The following DNAH14 variants were observed in gnomAD, a reference collection of about 807,000 sequenced individuals.
DNAH14 encodes the protein dynein axonemal heavy chain 14, also known as axonemal beta dynein heavy chain 14.
A neutral mutation model predicts 520.9 loss-of-function variants in DNAH14; 478 were observed. The ratio of observed to expected loss-of-function variants is 0.92; its 90% confidence interval spans 0.85 to 0.99. The LOEUF (loss-of-function observed/expected upper bound fraction) is 0.99. DNAH14 is among the 50% of genes least tolerant of loss of function. The probability of loss-of-function intolerance (pLI) is 0.00; values close to 1 mark genes in which losing one functional copy is unlikely to be tolerated. For synonymous variants in DNAH14, 1,581 were observed against 1,757.2 expected, an observed-to-expected ratio of 0.90 and a Z score of 2.51; for missense variants, 4,831 against 5,234.5, an observed-to-expected ratio of 0.92 and a Z score of 2.38.
rs1183088129 is a variant in DNAH14 at position 225,120,322 on chromosome 1, G to T, written c.4166+1028G>T. On this transcript the variant is annotated intron_variant, in intron 26 of 85. Transcript: ENST00000682510. ...GGTGTCAGCTGATCCATCAAGTGCA[G>T]GGCCAGCAAAATATCTCAAGCACTG... 3.3e-5 allele frequency among the ~76,000 whole-genome samples: 5 copies of T among 152,256 alleles called. No individual in the cohort carries two copies. The East Asian group carries it at 7.7e-4, about 23-fold the overall frequency.
chr1:225,004,323 C>T (rs1360054701), intron 9 of DNAH14, among the ~76,000 whole-genome samples: 1 of 152,086 alleles, frequency 6.6e-6, no homozygotes, highest in African/African-American at 2.4e-5. Flanking sequence ...GGAATGTTTA[C>T]TGGCAAATAA....
intron 80 of DNAH14, among the ~76,000 whole-genome samples, chr1:225,380,747 G>A (rs898650468): frequency 6.6e-6 from 1 of 152,200 alleles, no homozygotes; most frequent in Non-Finnish European, 1.5e-5. Flanking sequence ...GAGGAAGCCT[G>A]ATTGCCCAGA....
chr1:225,112,181 A>G (rs1382755481), intron 23 of DNAH14, among the ~76,000 whole-genome samples: 2 of 152,006 alleles, frequency 1.3e-5, no homozygotes, highest in Non-Finnish European at 2.9e-5. Flanking sequence ...CTCAGCTTTT[A>G]TTTGTTTTGA....
chr1:225,162,040 G>T (rs2081567099), intron 35 of DNAH14, among the ~76,000 whole-genome samples: 1 of 151,994 alleles, frequency 6.6e-6, no homozygotes, highest in Non-Finnish European at 1.5e-5. Context: ...TTTTGCTTTG[G>T]TTGCCTGTGC....
At chr1:225,398,459 A>G (rs1301669453) in intron 84 of DNAH14, 61 bp from the exon 85 acceptor site, 5 of 1,534,492 alleles carry the variant, frequency 3.3e-6, no homozygotes, top group Non-Finnish European at 2.6e-6. Context: ...TTCCGGACGG[A>G]GCCTCCAGTT....
intron 63 of DNAH14, 78 bp from the exon 64 acceptor site, chr1:225,324,659 G>A: frequency 1.6e-6 from 2 of 1,267,396 alleles, no homozygotes; most frequent in Non-Finnish European, 2.2e-6. Context: ...CTCTGTAAAT[G>A]TCTTTCAAAT....
intron 41 of DNAH14, among the ~76,000 whole-genome samples, chr1:225,209,243 T>G (rs897508896): frequency 6.6e-6 from 1 of 152,222 alleles, no homozygotes; most frequent in Admixed American, 6.5e-5. Context: ...GGCATACTTT[T>G]TCTTCTGCCA....
chr1:225,267,582 G>A (rs555608282), intron 49 of DNAH14, among the ~76,000 whole-genome samples: 2 of 152,158 alleles, frequency 1.3e-5, no homozygotes, highest in South Asian at 2.1e-4. Flanking sequence ...GAGCCACCAT[G>A]CCCGGCCAGA....
At chr1:225,058,472 A>G (rs1260601852) in intron 17 of DNAH14, among the ~76,000 whole-genome samples, 1 of 152,016 alleles carries the variant, frequency 6.6e-6, no homozygotes, top group Admixed American at 6.6e-5. Context: ...TGATCTTTTC[A>G]AAAAACCAGC....
chr1:225,241,182 A>T (rs201671014), intron 43 of DNAH14, among the ~76,000 whole-genome samples: 16 of 98,174 alleles, frequency 1.6e-4, no homozygotes, highest in Non-Finnish European at 2.2e-4. Context: ...TCTTTTTTTT[A>T]AAAAAATCCA....
At chr1:225,124,386 G>A (rs535618312) in intron 27 of DNAH14, among the ~76,000 whole-genome samples, 2 of 152,294 alleles carry the variant, frequency 1.3e-5, no homozygotes, top group East Asian at 3.9e-4. Flanking sequence ...TTTCAAAATT[G>A]GAGTCAATTC....
At chr1:225,111,347 A>T (rs2127558) in intron 23 of DNAH14, among the ~76,000 whole-genome samples, 19,747 of 151,848 alleles carry the variant, frequency 0.13, 3,964 homozygotes, top group African/African-American at 0.44. Flanking sequence ...GACCCTTCTT[A>T]TCCTCTTGCT....
Position 225,152,735 on chromosome 1 carries a change from C to G in DNAH14, c.5048C>G (p.Ser1683Cys), listed in dbSNP as rs867275910. The G allele has an allele frequency of 6.4e-6, 10 of 1,550,932 alleles. No individual in the cohort carries two copies. In the Admixed American group the frequency reaches 2.0e-4, roughly 30 times the overall value. ...GGVELPDNLKSLFRPVAMMVP... is the reference protein window; with the variant it reads ...GGVELPDNLKCLFRPVAMMVP... ...GTAGAGCTCCCAGATAACTTAAAAT[C>G]TCTGTTTCGCCCAGTGGCAATGATG... The change falls in exon 33 of 86, where the codon TCT becomes TGT. Residue 1683 changes from serine (S) to cysteine (C), a missense_variant. Coordinates refer to ENST00000682510, the MANE Select transcript of DNAH14 (RefSeq NM_001367479.1).
At position 224,974,084 on chromosome 1, in the gene DNAH14, C is replaced by A; in HGVS notation, c.768-7C>A. 2.0e-6 allele frequency: 3 copies of A among 1,484,620 alleles called. No homozygotes were observed. Among genetic ancestry groups the A allele is most frequent in the South Asian group, 2.8e-5 (2 of 71,980 alleles). The allele number at this position is 1,484,620 out of a possible 1,614,324, so 92.0% of individuals were successfully genotyped here. A position where few individuals can be genotyped will look rare whatever the true frequency, so the allele number is the denominator to read the frequency against. ...ATATGGAATATAAGAAGCATTTTTC[C>A]TTTCAGAATGAATAAAGCATTTGTT... On this transcript the variant is annotated splice_polypyrimidine_tract_variant and splice_region_variant and intron_variant, in intron 7 of 85. Transcript: ENST00000682510.
intron 52 of DNAH14, among the ~76,000 whole-genome samples, chr1:225,273,507 C>T (rs1331269481): frequency 6.6e-6 from 1 of 152,158 alleles, no homozygotes; most frequent in Non-Finnish European, 1.5e-5. Flanking sequence ...TGAAAGTCCT[C>T]AAAAATTTAT....
intron 7 of DNAH14, among the ~76,000 whole-genome samples, chr1:224,971,227 T>G (rs2501144): frequency 0.096 from 14,594 of 152,268 alleles, 2,256 homozygotes; most frequent in African/African-American, 0.33. Flanking sequence ...TTCTATAATT[T>G]TCTTGTTTCT....
intron 81 of DNAH14, 124 bp downstream of exon 81, chr1:225,381,703 C>T (rs753935111): frequency 1.5e-5 from 12 of 809,370 alleles, no homozygotes; most frequent in Middle Eastern, 3.7e-4. Flanking sequence ...AAGATGCTGA[C>T]GTACTTTTTC....
chr1:225,321,410 C>T (rs1467468050), intron 61 of DNAH14, among the ~76,000 whole-genome samples: 1 of 152,152 alleles, frequency 6.6e-6, no homozygotes, highest in East Asian at 1.9e-4. Flanking sequence ...TGCACATGTA[C>T]TCCTGAAACT....
At chr1:225,056,884 G>A (rs2069174342) in intron 17 of DNAH14, among the ~76,000 whole-genome samples, 1 of 152,094 alleles carries the variant, frequency 6.6e-6, no homozygotes, top group African/African-American at 2.4e-5. Context: ...TGTTCCGTTG[G>A]TCTATATCTC....
Sources: allele counts gnomAD v4.1 joint callset (sites outside exome capture counted in the v4.1 genomes callset), GRCh38; gene constraint gnomAD v4.1.1; transcripts MANE v1.5; gene names NCBI Gene and HGNC (gene_info 2026-07-23, HGNC 2026-07-21).